Variants in CRHR2 observed in about 807,000 individuals in gnomAD.
CRHR2 encodes the protein corticotropin releasing hormone receptor 2, also known as corticotropin-releasing hormone receptor 2.
In CRHR2, 53 loss-of-function variants were observed where a neutral mutation model predicts 57.9. That is an observed-to-expected ratio of 0.92 (90% confidence interval 0.73 to 1.15). The LOEUF is 1.15. CRHR2 is among the 50% of genes most tolerant of loss of function. The pLI, the probability that CRHR2 is intolerant of heterozygous loss-of-function variation, is 0.00. For synonymous variants in CRHR2, 213 were observed against 220.9 expected (o/e 0.96, Z 0.32); for missense variants, 532 against 542.6 (o/e 0.98, Z 0.19).
chr7:30,660,527 G>A, intron 8 of CRHR2, 46 bp downstream of exon 8: 2 of 1,542,672 alleles, frequency 1.3e-6, no homozygotes, highest in East Asian at 2.4e-5. Flanking sequence ...GCCCTCTTCT[G>A]TCCTCTTGGC....
intron 2 of CRHR2, among the ~76,000 whole-genome samples, chr7:30,672,831 G>A (rs1252473894): frequency 6.6e-6 from 1 of 152,242 alleles, no homozygotes; most frequent in Non-Finnish European, 1.5e-5. Context: ...TAGGAAGGAA[G>A]ACAACTTCTG....
chr7:30,655,464 G>A lies in CRHR2; in HGVS notation c.1053+116C>T. The A allele has an allele frequency of 4.7e-6, 6 of 1,289,288 alleles. No individual in the cohort carries two copies. In the South Asian group the frequency reaches 5.7e-5, roughly 12 times the overall value. The allele number at this position is 1,289,288 out of a possible 1,614,324, so 79.9% of individuals were successfully genotyped here. ...GCATGTACGGGCTTCTAACTCTGTG[G>A]ATGTAACTGAGCCATGGGTGTGCCA... On this transcript the variant is annotated intron_variant, in intron 10 of 11. Transcript: ENST00000471646.
At chr7:30,690,045 G>A (rs1157477199) in intron 1 of CRHR2, among the ~76,000 whole-genome samples, 2 of 152,166 alleles carry the variant, frequency 1.3e-5, no homozygotes, top group South Asian at 2.1e-4. Context: ...CCAGGATCCC[G>A]TCTCCTAAAA....
At chr7:30,655,811 G>A in intron 9 of CRHR2, 96 bp from the exon 10 acceptor site, 2 of 1,588,440 alleles carry the variant, frequency 1.3e-6, no homozygotes, top group Non-Finnish European at 1.7e-6. Flanking sequence ...TCTTCCGGGA[G>A]CTTGAGCGAG....
Position 30,653,230 on chromosome 7 carries a change from G to C in CRHR2, c.*230C>G. 1 of 553,486 alleles carries C rather than the reference G, an allele frequency of 1.8e-6. No individual in the cohort carries two copies. Among genetic ancestry groups the C allele is most frequent in the South Asian group, 2.4e-5 (1 of 41,326 alleles). 34.3% of individuals were successfully genotyped at this position (553,486 alleles called of 1,614,324 possible). A position where few individuals can be genotyped will look rare whatever the true frequency, so the allele number is the denominator to read the frequency against. ...GCAGACATCTGACTGGCTCTTCTCA[G>C]GGGGTCCTGTGAATTCCCTCTGCTT... is the stretch of plus-strand genomic sequence containing the variant. On this transcript the variant is annotated 3_prime_UTR_variant, in exon 12 of 12. Coordinates refer to ENST00000471646, the MANE Select transcript of CRHR2 (RefSeq NM_001883.5). This position sits in a 1 kb window ranked among gnomAD's most constrained non-coding sequence, Gnocchi z 5.0.
chr7:30,682,611 G>A, upstream of CRHR2: 1 of 761,484 alleles, frequency 1.3e-6, no homozygotes, highest in Non-Finnish European at 1.7e-6. Context: ...CCCAAAGTAC[G>A]GCTTCTCAGT....
At chr7:30,696,839 T>G (rs1254160175) in intron 1 of CRHR2, among the ~76,000 whole-genome samples, 1 of 152,150 alleles carries the variant, frequency 6.6e-6, no homozygotes, top group East Asian at 1.9e-4. Context: ...AAGTAGAATA[T>G]GACAGCTAAG....
chr7:30,655,170 G>C, intron 10 of CRHR2, 90 bp from the exon 11 acceptor site: 1 of 1,413,236 alleles, frequency 7.1e-7, no homozygotes, highest in East Asian at 2.5e-5. Flanking sequence ...AGATGGTGGG[G>C]GGGGGACAAT....
At chr7:30,662,911 C>T in intron 5 of CRHR2, 64 bp from the exon 6 acceptor site, 2 of 1,568,466 alleles carry the variant, frequency 1.3e-6, no homozygotes, top group African/African-American at 2.7e-5. Context: ...ATACCCATCC[C>T]CAGGCAGGGC....
chr7:30,665,747 G>T lies in CRHR2; in HGVS notation c.316-108C>A. On this transcript the variant is annotated intron_variant, in intron 3 of 11. Transcript: ENST00000471646. This position sits in a 1 kb window ranked among gnomAD's most constrained non-coding sequence, Gnocchi z 4.5. ...GTGTCCTGACCTTGGGGGCAGAAGT[G>T]CTCCAGGTGTCATTGCCGTGCCTGG... The T allele has an allele frequency of 1.2e-6, 1 of 857,688 alleles. No homozygotes were observed. Among genetic ancestry groups the T allele is most frequent in the Non-Finnish European group, 1.8e-6 (1 of 547,310 alleles). 53.1% of individuals were successfully genotyped at this position (857,688 alleles called of 1,614,324 possible).
intron 1 of CRHR2, among the ~76,000 whole-genome samples, chr7:30,697,073 T>C (rs1296427932): frequency 6.6e-6 from 1 of 152,208 alleles, no homozygotes; most frequent in East Asian, 1.9e-4. Flanking sequence ...TGCTGGCAAA[T>C]GGCCCTGGAG....
rs753858738 is a variant in CRHR2, at chr7:30,652,117, G to A, written c.*1343C>T. ...CTTATTTTTGTAGGGGGTACCTAGA[G>A]CATTGGTTTCTTTTGGAAGAAATGG... On this transcript the variant is annotated 3_prime_UTR_variant, in exon 12 of 12. Coordinates refer to ENST00000471646, the MANE Select transcript of CRHR2 (RefSeq NM_001883.5). This position sits in a 1 kb window ranked among gnomAD's most constrained non-coding sequence, Gnocchi z 4.4. 6.6e-6 allele frequency: 1 copy of A among 152,212 alleles called. No homozygotes were observed. The highest frequency in any genetic ancestry group is 1.5e-5 in the Non-Finnish European group (1 of 68,026). The allele number at this position is 152,212 out of a possible 1,614,324, so 9.4% of individuals were successfully genotyped here. A position where few individuals can be genotyped will look rare whatever the true frequency, so the allele number is the denominator to read the frequency against.
intron 1 of CRHR2, chr7:30,689,288 G>A (rs1264282118): frequency 6.5e-7 from 1 of 1,549,704 alleles, no homozygotes; most frequent in Non-Finnish European, 8.7e-7. Context: ...CGGCTGCCTA[G>A]GGGACAGCAA....
chr7:30,661,171 G>C (rs1384540123), intron 7 of CRHR2, among the ~76,000 whole-genome samples: 2 of 152,254 alleles, frequency 1.3e-5, no homozygotes, highest in African/African-American at 2.4e-5. Context: ...CTGCTGCCTG[G>C]CTGGCCTCAC....
intron 1 of CRHR2, chr7:30,689,341 G>T: frequency 7.2e-7 from 1 of 1,391,744 alleles, no homozygotes; most frequent in Non-Finnish European, 1.0e-6. Flanking sequence ...CATTGACAGT[G>T]CCTGTCTGCC....
At chr7:30,655,904 G>T in intron 9 of CRHR2, 23 bp downstream of exon 9, 1 of 1,612,442 alleles carries the variant, frequency 6.2e-7, no homozygotes, top group Non-Finnish European at 8.5e-7. Flanking sequence ...CCCATTGTGG[G>T]GTCAAGGGAC....
upstream of CRHR2, among the ~76,000 whole-genome samples, chr7:30,683,378 G>T (rs911568484): frequency 3.9e-5 from 6 of 152,226 alleles, no homozygotes; most frequent in African/African-American, 1.2e-4. Flanking sequence ...CCCACAGCAG[G>T]TGTGGAGGAG....
Position 30,653,277 on chromosome 7 carries a change from G to A in CRHR2, c.*183C>T, listed in dbSNP as rs1473211868. 6 of 775,228 alleles carry A rather than the reference G, an allele frequency of 7.7e-6. No individual in the cohort carries two copies. The highest frequency in any genetic ancestry group is 1.2e-5 in the Non-Finnish European group (6 of 492,200). The allele number at this position is 775,228 out of a possible 1,614,324, so 48.0% of individuals were successfully genotyped here. A position where few individuals can be genotyped will look rare whatever the true frequency, so the allele number is the denominator to read the frequency against. On this transcript the variant is annotated 3_prime_UTR_variant, in exon 12 of 12. Coordinates refer to ENST00000471646, the MANE Select transcript of CRHR2 (RefSeq NM_001883.5). This position sits in a 1 kb window ranked among gnomAD's most constrained non-coding sequence, Gnocchi z 5.0. ...GCTTCCTCTTGCGCTGAGCCTGGTG[G>A]CCCCCACTCATCCCTGTCCCTTGCA...
At chr7:30,695,826 A>C (rs903436901) in intron 1 of CRHR2, among the ~76,000 whole-genome samples, 1 of 152,222 alleles carries the variant, frequency 6.6e-6, no homozygotes, top group Non-Finnish European at 1.5e-5. Context: ...TGGTCCTGCC[A>C]CATACCAGCT....
Sources: gnomAD v4.1 joint callset for allele counts (sites outside exome capture counted in the v4.1 genomes callset) on GRCh38, gnomAD v4.1.1 for gene constraint, Gnocchi (gnomAD v3.1) non-coding constraint, MANE v1.5 for transcripts, NCBI Gene and HGNC (gene_info 2026-07-23, HGNC 2026-07-21) for gene names.